Variants in PLCB1 observed in about 807,000 individuals in gnomAD.
The protein encoded by PLCB1 is 1-phosphatidylinositol 4,5-bisphosphate phosphodiesterase beta-1.
In PLCB1, 46 loss-of-function variants were observed where a neutral mutation model predicts 161.8. That is an observed-to-expected ratio of 0.28 (90% CI 0.22 to 0.36). The LOEUF is 0.36. PLCB1 is among the 10% of genes least tolerant of loss of function. The pLI is 1.00. For synonymous variants in PLCB1, 517 were observed against 503.7 expected (o/e 1.03, Z -0.35); for missense variants, 1,016 against 1,472.5 (o/e 0.69, Z 5.07).
chr20:8,450,579 A>G (rs1981029143), intron 3 of PLCB1, among the ~76,000 whole-genome samples: 1 of 152,066 alleles, frequency 6.6e-6, no homozygotes, highest in Non-Finnish European at 1.5e-5. Context: ...CTGCTCCTCA[A>G]ACATCCAGGT....
intron 3 of PLCB1, among the ~76,000 whole-genome samples, chr20:8,513,732 A>G (rs1483873656): frequency 2.0e-5 from 3 of 152,308 alleles, no homozygotes; most frequent in East Asian, 3.9e-4. Context: ...AAAAGTGGTC[A>G]GGTGCAGTGG....
chr20:8,163,424 C>A (rs2051645447), intron 2 of PLCB1, among the ~76,000 whole-genome samples: 1 of 152,192 alleles, frequency 6.6e-6, no homozygotes, highest in Admixed American at 6.5e-5. Flanking sequence ...ATAGATGCAG[C>A]TGGAAGCTGT....
chr20:8,160,916 G>A (rs2051615102), intron 2 of PLCB1, among the ~76,000 whole-genome samples: 1 of 151,832 alleles, frequency 6.6e-6, no homozygotes, highest in African/African-American at 2.4e-5. Flanking sequence ...AATTTAAAAG[G>A]CAAAAATGCA....
chr20:8,219,894 C>T (rs4813853), intron 2 of PLCB1, among the ~76,000 whole-genome samples: 91,947 of 151,994 alleles, frequency 0.6, 27,980 homozygotes, highest in East Asian at 0.68. Flanking sequence ...ATTTAAACAA[C>T]GTGAGGGTTT....
Position 8,765,126 on chromosome 20 carries a change from T to G in PLCB1, c.2711-13T>G. On this transcript the variant is annotated splice_polypyrimidine_tract_variant and intron_variant, in intron 25 of 31. Transcript: ENST00000338037. The stretch of plus-strand genomic sequence containing the variant: ...CCTCCCATTCCCTTAGCTTTCATAT[T>G]CATTTGTTGCAGAAGTGGAAGCACA... 1 of 1,604,570 alleles carries G rather than the reference T, an allele frequency of 6.2e-7. No homozygotes were observed. Among genetic ancestry groups the G allele is most frequent in the Non-Finnish European group, 8.5e-7 (1 of 1,174,932 alleles).
chr20:8,744,619 A>ATTAAAT (rs1555787583), intron 23 of PLCB1, among the ~76,000 whole-genome samples: 1 of 119,320 alleles, frequency 8.4e-6, no homozygotes, highest in Admixed American at 8.1e-5. Context: ...AATAAAATAA[A>ATTAAAT]TAAAATAAAA....
At chr20:8,739,682 G>A (rs773888368) in intron 21 of PLCB1, among the ~76,000 whole-genome samples, 10 of 152,190 alleles carry the variant, frequency 6.6e-5, no homozygotes, top group South Asian at 2.1e-4. Flanking sequence ...TCAGGTTCTG[G>A]GTTGGGTCTA....
chr20:8,753,280 T>G (rs992160644), intron 23 of PLCB1, among the ~76,000 whole-genome samples: 1 of 152,164 alleles, frequency 6.6e-6, no homozygotes, highest in Non-Finnish European at 1.5e-5. Context: ...ATACATGTAA[T>G]GCACTTGAGT....
intron 2 of PLCB1, among the ~76,000 whole-genome samples, chr20:8,193,923 T>A (rs1430211992): frequency 6.6e-6 from 1 of 152,014 alleles, no homozygotes. Flanking sequence ...TGCCTTGCTT[T>A]CTTCTTTCCA....
chr20:8,820,470 C>T (rs1364220760), intron 31 of PLCB1, among the ~76,000 whole-genome samples: 1 of 152,026 alleles, frequency 6.6e-6, no homozygotes, highest in Non-Finnish European at 1.5e-5. Context: ...TTTTTTAAGT[C>T]TAACAATATC....
At chr20:8,816,195 A>G (rs1451121841) in intron 31 of PLCB1, among the ~76,000 whole-genome samples, 3 of 152,174 alleles carry the variant, frequency 2.0e-5, no homozygotes, top group Non-Finnish European at 4.4e-5. Context: ...GACACTGGAA[A>G]GAGAAAACCA....
intron 31 of PLCB1, chr20:8,802,401 C>A: frequency 2.2e-6 from 1 of 454,528 alleles, no homozygotes; most frequent in Non-Finnish European, 3.8e-6. Flanking sequence ...TGACATAAAT[C>A]TCATTCTTCC....
chr20:8,158,649 T>C (rs980504107), intron 2 of PLCB1, among the ~76,000 whole-genome samples: 8 of 152,216 alleles, frequency 5.3e-5, no homozygotes, highest in South Asian at 2.1e-4. Context: ...CTTCTGCCTA[T>C]GAGCCTGTAA....
chr20:8,658,205 T>C (rs774830473), intron 8 of PLCB1, among the ~76,000 whole-genome samples: 5 of 152,144 alleles, frequency 3.3e-5, no homozygotes, highest in Non-Finnish European at 7.4e-5. Context: ...AAATCAAAAA[T>C]TTACTGTCAT....
chr20:8,491,047 A>G (rs1982926415), intron 3 of PLCB1, among the ~76,000 whole-genome samples: 1 of 151,892 alleles, frequency 6.6e-6, no homozygotes, highest in African/African-American at 2.4e-5. Flanking sequence ...CAAACAGCAT[A>G]AATATTTTAC....
At chr20:8,715,187 A>G (rs1202482932) in intron 12 of PLCB1, among the ~76,000 whole-genome samples, 1 of 152,240 alleles carries the variant, frequency 6.6e-6, no homozygotes, top group African/African-American at 2.4e-5. Flanking sequence ...TAAAACCCAA[A>G]GGAACTGGAT....
chr20:8,226,196 A>C (rs969638884), intron 2 of PLCB1, among the ~76,000 whole-genome samples: 1 of 152,106 alleles, frequency 6.6e-6, no homozygotes, highest in Non-Finnish European at 1.5e-5. Context: ...TCGAGCCATA[A>C]GCTTACCTTT....
chr20:8,371,186 G>T (rs1324439977), intron 2 of PLCB1, 196 bp from the exon 3 acceptor site: 4 of 538,328 alleles, frequency 7.4e-6, no homozygotes, highest in Non-Finnish European at 1.3e-5. Flanking sequence ...ATGTATAACT[G>T]AGCAGTTAGC....
chr20:8,735,562 G>A (rs993397363), intron 19 of PLCB1, among the ~76,000 whole-genome samples: 7 of 152,192 alleles, frequency 4.6e-5, no homozygotes, highest in Admixed American at 1.3e-4. Context: ...GGACTTGTGA[G>A]CTCACATGAT....
Sources: allele counts gnomAD v4.1 joint callset (sites outside exome capture counted in the v4.1 genomes callset), GRCh38; gene constraint gnomAD v4.1.1; transcripts MANE v1.5; gene names NCBI Gene and HGNC (gene_info 2026-07-23, HGNC 2026-07-21).